The following ARHGAP15 variants were observed in gnomAD, a reference collection of about 807,000 sequenced individuals.
ARHGAP15 encodes the protein Rho GTPase activating protein 15, also known as rho GTPase-activating protein 15.
A neutral mutation model predicts 63.7 loss-of-function variants in ARHGAP15; 51 were observed. The ratio of observed to expected loss-of-function variants is 0.80; its 90% confidence interval spans 0.64 to 1.01. The LOEUF is 1.01. ARHGAP15 is among the 50% of genes least tolerant of loss of function. The probability of loss-of-function intolerance (pLI) is 0.00; values close to 1 mark genes in which losing one functional copy is unlikely to be tolerated. For synonymous variants in ARHGAP15, 191 were observed against 193.8 expected (o/e 0.99, Z 0.12); for missense variants, 560 against 564.6 (o/e 0.99, Z 0.08).
chr2:143,304,471 G>T (rs1434663246), intron 6 of ARHGAP15, among the ~76,000 whole-genome samples: 1 of 151,998 alleles, frequency 6.6e-6, no homozygotes, highest in African/African-American at 2.4e-5. Context: ...GGGGAAGAGG[G>T]GAGGGATAGC....
chr2:143,329,647 AT>A (rs1467661797), intron 6 of ARHGAP15, among the ~76,000 whole-genome samples: 1 of 152,182 alleles, frequency 6.6e-6, no homozygotes, highest in Non-Finnish European at 1.5e-5. Context: ...GAGCTGTTAA[AT>A]TGGTGGCAAT....
intron 4 of ARHGAP15, among the ~76,000 whole-genome samples, chr2:143,217,562 T>G (rs934514534): frequency 1.3e-5 from 2 of 152,134 alleles, no homozygotes; most frequent in African/African-American, 2.4e-5. Context: ...AAATGCAAGG[T>G]TGCTTTAAGA....
At chr2:143,527,491 G>C (rs1394701332) in intron 10 of ARHGAP15, among the ~76,000 whole-genome samples, 1 of 149,904 alleles carries the variant, frequency 6.7e-6, no homozygotes, top group Non-Finnish European at 1.5e-5. Context: ...AAAAAAAAAT[G>C]GAAAAAATCA....
intron 3 of ARHGAP15, among the ~76,000 whole-genome samples, chr2:143,206,841 C>A (rs893726507): frequency 6.6e-6 from 1 of 151,648 alleles, no homozygotes; most frequent in Non-Finnish European, 1.5e-5. Flanking sequence ...GTAAAAATAA[C>A]ACATAAAAAG....
intron 11 of ARHGAP15, among the ~76,000 whole-genome samples, chr2:143,609,774 A>C (rs1698182716): frequency 6.6e-6 from 1 of 152,126 alleles, no homozygotes; most frequent in South Asian, 2.1e-4. Flanking sequence ...GCTTCCAACT[A>C]GATTGGGCCA....
At chr2:143,568,479 A>G (rs915503255) in intron 11 of ARHGAP15, among the ~76,000 whole-genome samples, 17 of 152,366 alleles carry the variant, frequency 1.1e-4, no homozygotes, top group South Asian at 2.1e-4. Context: ...ATCTCACACC[A>G]GTTAGAATGG....
chr2:143,396,082 C>G (rs2104982142), intron 6 of ARHGAP15, among the ~76,000 whole-genome samples: 1 of 152,226 alleles, frequency 6.6e-6, no homozygotes, highest in South Asian at 2.1e-4. Flanking sequence ...TCACTACACC[C>G]TAGACACTGT....
At chr2:143,284,807 GTTA>G (rs755632448) in intron 6 of ARHGAP15, among the ~76,000 whole-genome samples, 2 of 152,060 alleles carry the variant, frequency 1.3e-5, no homozygotes, top group Non-Finnish European at 2.9e-5. Flanking sequence ...TAAGCCTCAG[GTTA>G]TTCTTCTTTC....
Position 143,263,907 on chromosome 2 carries a change from CTTTTTTTTTTTTTTTTTTT to C in ARHGAP15, c.474+13325_474+13343del, listed in dbSNP as rs373296096. Among the ~76,000 whole-genome samples the C allele has an allele frequency of 3.1e-4, 12 of 38,454 alleles. No homozygotes were observed. In the East Asian group the frequency reaches 7.3e-3, roughly 23 times the overall value. The allele number at this position is 38,454 out of a possible 152,430, so 25.2% of individuals were successfully genotyped here. On this transcript the variant is annotated intron_variant, in intron 6 of 13. Coordinates refer to ENST00000295095, the MANE Select transcript of ARHGAP15 (RefSeq NM_018460.4). ...GGTGGGTCTACGGTGAAGCTGCAGT[CTTTTTTTTTTTTTTTTTTT>C]TTTTTTTTTTTTTTTTTGTGCTCAC... is the stretch of plus-strand genomic sequence containing the variant.
chr2:143,659,777 T>G (rs114189408), intron 12 of ARHGAP15, among the ~76,000 whole-genome samples: 95 of 152,328 alleles, frequency 6.2e-4, no homozygotes, highest in African/African-American at 2.1e-3. Context: ...CAGCTTTCAT[T>G]AGTTCTAGAA....
intron 9 of ARHGAP15, among the ~76,000 whole-genome samples, chr2:143,494,119 G>A (rs1372965056): frequency 1.3e-5 from 2 of 152,002 alleles, no homozygotes; most frequent in Admixed American, 6.6e-5. Flanking sequence ...TCTTTCTTCA[G>A]TGCTGGATTT....
At position 143,205,190 on chromosome 2, in the gene ARHGAP15, G is replaced by A. The variant is rs138914258; in HGVS notation, c.234+2988G>A. Among the ~76,000 whole-genome samples the A allele has an allele frequency of 8.6e-3, 1,308 of 151,644 alleles. 25 individuals carry two copies. The highest frequency in any genetic ancestry group is 0.03 in the African/African-American group (1,240 of 41,354). On this transcript the variant is annotated intron_variant, in intron 3 of 13. Transcript: ENST00000295095. Reference sequence around the variant, plus strand: ...TAGTCCCAGCTACTTGTTAGGCTGAGGCAGGAGAATCACTTGAACATTTGG... The same window carrying A: ...TAGTCCCAGCTACTTGTTAGGCTGAAGCAGGAGAATCACTTGAACATTTGG...
chr2:143,662,791 G>A (rs1681898698), intron 12 of ARHGAP15, among the ~76,000 whole-genome samples: 1 of 109,434 alleles, frequency 9.1e-6, no homozygotes, highest in African/African-American at 3.3e-5. Context: ...GAGCCGATGC[G>A]ATCAACTGGA....
intron 11 of ARHGAP15, among the ~76,000 whole-genome samples, chr2:143,576,190 A>G (rs943559289): frequency 6.6e-6 from 1 of 152,150 alleles, no homozygotes; most frequent in Middle Eastern, 3.2e-3. Flanking sequence ...GTGGATGCTT[A>G]TGTGCCACTG....
intron 3 of ARHGAP15, among the ~76,000 whole-genome samples, chr2:143,207,475 T>C (rs991550339): frequency 4.2e-5 from 6 of 143,824 alleles, no homozygotes; most frequent in Admixed American, 1.4e-4. Context: ...CCCTCTCCCA[T>C]TGACACACAC....
intron 6 of ARHGAP15, among the ~76,000 whole-genome samples, chr2:143,426,189 T>G (rs528639481): frequency 6.6e-6 from 1 of 152,282 alleles, no homozygotes; most frequent in Admixed American, 6.5e-5. Context: ...TAAATCACAC[T>G]TCTTCTGATC....
At position 143,764,041 on chromosome 2, in the gene ARHGAP15, A is replaced by G. The variant is rs149715901; in HGVS notation, c.1245-3948A>G. Among the ~76,000 whole-genome samples the G allele has an allele frequency of 3.6e-3, 554 of 152,092 alleles. 4 individuals are homozygous for G. Among genetic ancestry groups the G allele is most frequent in the African/African-American group, 0.012 (514 of 41,538 alleles). Reference sequence around the variant, plus strand: ...TACAAAACTATGTGTTATTTTTTAAATTTATTTTAAAAATTTATTTTTTAA... The same window carrying G: ...TACAAAACTATGTGTTATTTTTTAAGTTTATTTTAAAAATTTATTTTTTAA... On this transcript the variant is annotated intron_variant, in intron 13 of 13. Transcript: ENST00000295095.
At chr2:143,343,265 C>G (rs1685139378) in intron 6 of ARHGAP15, among the ~76,000 whole-genome samples, 1 of 151,858 alleles carries the variant, frequency 6.6e-6, no homozygotes, top group Non-Finnish European at 1.5e-5. Flanking sequence ...GAGGCTAATT[C>G]AGGAAGAGAG....
Position 143,155,563 on chromosome 2 carries a change from C to T in ARHGAP15, c.73C>T (p.Gln25Ter). 6.2e-7 allele frequency: 1 copy of T among 1,609,136 alleles called. No individual in the cohort carries two copies. The highest frequency in any genetic ancestry group is 8.5e-7 in the Non-Finnish European group (1 of 1,177,934). ...NSTRQGTGAV[Q>*]MRIKNANSHH... ...TACCCGCCAAGGCACAGGAGCTGTGCAAATGAGAATCAAAAATGCCAACAG... is the reference window on the plus strand; with the variant it reads ...TACCCGCCAAGGCACAGGAGCTGTGTAAATGAGAATCAAAAATGCCAACAG... The change falls in exon 2 of 14, where the codon CAA (glutamine) becomes TAA (stop). Residue 25 changes from glutamine to a stop codon, truncating the protein, a stop_gained. Coordinates refer to ENST00000295095, the MANE Select transcript of ARHGAP15 (RefSeq NM_018460.4). LOFTEE classifies it high-confidence loss of function.
Sources: allele counts gnomAD v4.1 joint callset (sites outside exome capture counted in the v4.1 genomes callset), GRCh38; gene constraint gnomAD v4.1.1; transcripts MANE v1.5; gene names NCBI Gene and HGNC (gene_info 2026-07-23, HGNC 2026-07-21).